Variants in GPATCH2L observed in about 807,000 individuals in gnomAD.
The protein encoded by GPATCH2L is G patch domain-containing protein 2-like.
A neutral mutation model predicts 57.4 loss-of-function variants in GPATCH2L; 31 were observed. The ratio of observed to expected loss-of-function variants is 0.54; its 90% CI spans 0.41 to 0.73. The LOEUF is 0.73. Among genes scored for constraint, GPATCH2L ranks in the 30% least tolerant of loss-of-function variants. The pLI is 0.00. For missense variants in GPATCH2L, 481 were observed against 599.9 expected (o/e 0.80, Z 2.07); for synonymous variants, 199 against 210.7 (o/e 0.94, Z 0.48).
chr14:76,166,154 C>T lies in GPATCH2L; in HGVS notation c.663-509C>T, dbSNP rs113478279. Reference sequence around the variant, plus strand: ...TCAGAATGAGTTTTGTGTATCTGCTCGATATGAAGGAGGACAGTAAATTCA... The same window carrying T: ...TCAGAATGAGTTTTGTGTATCTGCTTGATATGAAGGAGGACAGTAAATTCA... On this transcript the variant is annotated intron_variant, in intron 2 of 9. Coordinates refer to ENST00000261530, the MANE Select transcript of GPATCH2L (RefSeq NM_017926.4). Among the ~76,000 whole-genome samples, 521 of 152,060 alleles carry T rather than the reference C, an allele frequency of 3.4e-3. 4 individuals carry two copies. The highest frequency in any genetic ancestry group is 0.012 in the African/African-American group (482 of 41,444).
At chr14:76,162,986 A>G (rs569491872) in intron 2 of GPATCH2L, among the ~76,000 whole-genome samples, 28 of 152,330 alleles carry the variant, frequency 1.8e-4, no homozygotes, top group Admixed American at 4.6e-4. Context: ...CCCTAGCTCA[A>G]TTAATCTGTT....
intron 7 of GPATCH2L, 155 bp downstream of exon 7, chr14:76,178,197 TTTTA>T: frequency 6.9e-7 from 1 of 1,451,080 alleles, no homozygotes; most frequent in Non-Finnish European, 9.4e-7. Context: ...GGAATCCTGT[TTTTA>T]TTTTAGTTTT....
At chr14:76,184,073 A>G (rs554947593) in intron 8 of GPATCH2L, among the ~76,000 whole-genome samples, 111 of 147,566 alleles carry the variant, frequency 7.5e-4, no homozygotes, top group Middle Eastern at 3.6e-3. Flanking sequence ...TGTGGCGACA[A>G]TGTTATCATT....
chr14:76,220,948 C>T (rs146636929), intron 1 of GPATCH2L, among the ~76,000 whole-genome samples: 15 of 151,544 alleles, frequency 9.9e-5, no homozygotes, highest in Admixed American at 2.0e-4. Context: ...AGTCTAAGTA[C>T]GCATCTCAAA....
chr14:76,152,164 G>A (rs1404676843), intron 1 of GPATCH2L, among the ~76,000 whole-genome samples, 173 bp downstream of exon 1: 1 of 152,306 alleles, frequency 6.6e-6, no homozygotes, highest in East Asian at 1.9e-4. Flanking sequence ...CATCCCTGGG[G>A]ATGTGGGTCG....
intron 8 of GPATCH2L, among the ~76,000 whole-genome samples, chr14:76,189,157 T>G (rs1021687753): frequency 6.6e-6 from 1 of 151,644 alleles, no homozygotes; most frequent in Non-Finnish European, 1.5e-5. Context: ...AGTTTTGTTC[T>G]TTTTGTTTAG....
At chr14:76,152,594 C>T in intron 1 of GPATCH2L, 1 of 450,462 alleles carries the variant, frequency 2.2e-6, no homozygotes, top group South Asian at 1.6e-5. Context: ...CGTGCCTGGC[C>T]GCCGGGTCCT....
At chr14:76,231,587 A>AC (rs1283982983) in intron 2 of GPATCH2L, among the ~76,000 whole-genome samples, 1 of 149,282 alleles carries the variant, frequency 6.7e-6, no homozygotes, top group Non-Finnish European at 1.5e-5. Flanking sequence ...CTATGGAATC[A>AC]CCCCTAGTAT....
intron 1 of GPATCH2L, among the ~76,000 whole-genome samples, chr14:76,219,648 C>A (rs1474227918): frequency 6.6e-6 from 1 of 152,092 alleles, no homozygotes; most frequent in Non-Finnish European, 1.5e-5. Flanking sequence ...GGGAGTAATA[C>A]ACAAGATGTG....
chr14:76,178,704 A>G (rs186807692), intron 7 of GPATCH2L: 177 of 152,714 alleles, frequency 1.2e-3, no homozygotes, highest in South Asian at 5.2e-3. Context: ...TAAGAATCTA[A>G]TGTGGCTGTT....
intron 1 of GPATCH2L, among the ~76,000 whole-genome samples, chr14:76,227,701 T>C (rs917528206): frequency 3.5e-5 from 5 of 144,824 alleles, no homozygotes; most frequent in Non-Finnish European, 7.5e-5. Flanking sequence ...CATTTATGAA[T>C]GCATTGGATA....
chr14:76,177,013 A>G (rs761370374), intron 6 of GPATCH2L, among the ~76,000 whole-genome samples: 3 of 151,096 alleles, frequency 2.0e-5, no homozygotes, highest in African/African-American at 4.9e-5. Flanking sequence ...CTATCCTCCT[A>G]TATTCTCTTC....
At chr14:76,224,305 A>G (rs1212411806) in intron 1 of GPATCH2L, among the ~76,000 whole-genome samples, 4 of 152,314 alleles carry the variant, frequency 2.6e-5, no homozygotes, top group Non-Finnish European at 5.9e-5. Context: ...TTCCGGAGTT[A>G]TATGGTAATC....
chr14:76,220,071 C>T (rs2040507933), intron 1 of GPATCH2L, among the ~76,000 whole-genome samples: 1 of 152,162 alleles, frequency 6.6e-6, no homozygotes, highest in African/African-American at 2.4e-5. Flanking sequence ...ACACAAGTGA[C>T]TCCATTTTGA....
In GPATCH2L at chr14:76,180,858, CT is replaced by C; in HGVS notation, c.1193+13del. Reference sequence around the variant, plus strand: ...GCACACTGCTCTGCCAGGTAATTGTCTTTTAGTAGCGGTTATTTGCTTCTGG... The same window carrying C: ...GCACACTGCTCTGCCAGGTAATTGTCTTTAGTAGCGGTTATTTGCTTCTGG... On this transcript the variant is annotated intron_variant, in intron 8 of 9. Transcript: ENST00000261530. 6.4e-7 allele frequency: 1 copy of C among 1,553,968 alleles called. No homozygotes were observed. Among genetic ancestry groups the C allele is most frequent in the Non-Finnish European group, 8.9e-7 (1 of 1,125,014 alleles).
At chr14:76,194,509 G>A (rs1421414698) in intron 8 of GPATCH2L, among the ~76,000 whole-genome samples, 2 of 151,022 alleles carry the variant, frequency 1.3e-5, no homozygotes, top group Non-Finnish European at 1.5e-5. Flanking sequence ...GTGTGTGCAC[G>A]CTCATGCTTG....
At chr14:76,194,794 A>T (rs961932218) in intron 8 of GPATCH2L, among the ~76,000 whole-genome samples, 13 of 152,128 alleles carry the variant, frequency 8.5e-5, no homozygotes, top group Admixed American at 3.9e-4. Context: ...TACTATTTTA[A>T]TCACTTTTAA....
intron 3 of GPATCH2L, chr14:76,170,725 G>A (rs1271069525): frequency 5.9e-5 from 9 of 152,092 alleles, no homozygotes; most frequent in Non-Finnish European, 1.3e-4. Flanking sequence ...AAATCCCTCA[G>A]GTATAGCTAG....
intron 8 of GPATCH2L, among the ~76,000 whole-genome samples, chr14:76,182,785 A>G (rs2039625339): frequency 6.6e-6 from 1 of 152,200 alleles, no homozygotes; most frequent in East Asian, 1.9e-4. Context: ...AAAGTCAGGT[A>G]TGGAAGTTGA....
Sources: allele counts gnomAD v4.1 joint callset (sites outside exome capture counted in the v4.1 genomes callset), GRCh38; gene constraint gnomAD v4.1.1; transcripts MANE v1.5; gene names NCBI Gene and HGNC (gene_info 2026-07-23, HGNC 2026-07-21).